DST: variants seen among roughly 807,000 people sequenced by gnomAD.
DST encodes the protein bullous pemphigoid antigen.
A neutral mutation model predicts 875.2 loss-of-function variants in DST; 253 were observed. That is an observed-to-expected ratio of 0.29 (90% CI 0.26 to 0.32). The LOEUF is 0.32. DST is among the 10% of genes least tolerant of loss of function. DST has a pLI of 1.00. For synonymous variants in DST, 3,124 were observed against 3,197.1 expected (o/e 0.98, Z 0.77); for missense variants, 8,287 against 9,111.6 (o/e 0.91, Z 3.68).
At position 56,555,362 on chromosome 6, in the gene DST, T is replaced by A. The variant is rs1428021494; in HGVS notation, c.15119A>T (p.Asp5040Val). 2 of 1,590,060 alleles carry A rather than the reference T, an allele frequency of 1.3e-6. No homozygotes were observed. Among genetic ancestry groups the A allele is most frequent in the African/African-American group, 1.4e-5 (1 of 74,012 alleles). Reference protein sequence around the residue: ...QLEGILKSFKDVEQKAENHVQ... With the variant: ...QLEGILKSFKVVEQKAENHVQ... ...AGACAAACCTGCTTTCTGTTCAACA[T>A]CCTTAAATGATTTTAAGATGCCTTC... The change falls in exon 60 of 104, where the codon GAT becomes GTT. Residue 5040 changes from aspartate (D) to valine (V), a missense_variant. Physicochemically the swap from Asp to Val is radical, Grantham distance 152. Transcript: ENST00000680361.
intron 9 of DST, among the ~76,000 whole-genome samples, chr6:56,671,473 C>T (rs2099101267): frequency 6.6e-6 from 1 of 152,186 alleles, no homozygotes; most frequent in African/African-American, 2.4e-5. Flanking sequence ...GCTTGCTCAA[C>T]CTGAAACCTT....
intron 53 of DST, among the ~76,000 whole-genome samples, chr6:56,571,398 G>A (rs181918195): frequency 6.6e-6 from 1 of 152,320 alleles, no homozygotes; most frequent in Non-Finnish European, 1.5e-5. Flanking sequence ...TCTGTGAGAA[G>A]TAAAGGCAGC....
intron 2 of DST, among the ~76,000 whole-genome samples, chr6:56,923,058 C>T (rs186920710): frequency 6.6e-6 from 1 of 152,040 alleles, no homozygotes; most frequent in East Asian, 1.9e-4. Context: ...TAAAATCTTG[C>T]CAGAACTATC....
At chr6:56,487,043 C>G in intron 87 of DST, 61 bp downstream of exon 87, 1 of 1,539,006 alleles carries the variant, frequency 6.5e-7, no homozygotes, top group South Asian at 1.2e-5. Flanking sequence ...CGCAAAGCAC[C>G]ATTACTGTGT....
chr6:56,938,806 G>T (rs1294031253), intron 2 of DST, among the ~76,000 whole-genome samples: 1 of 152,124 alleles, frequency 6.6e-6, no homozygotes, highest in Non-Finnish European at 1.5e-5. Flanking sequence ...GCCTGAGTTG[G>T]CTTACTGGAA....
At chr6:56,767,009 C>A (rs1026664250) in intron 4 of DST, among the ~76,000 whole-genome samples, 1 of 152,156 alleles carries the variant, frequency 6.6e-6, no homozygotes, top group African/African-American at 2.4e-5. Flanking sequence ...ATTTATACCA[C>A]CACAAGCAGC....
chr6:56,784,384 T>G (rs1481576175), intron 4 of DST, among the ~76,000 whole-genome samples: 3 of 152,242 alleles, frequency 2.0e-5, no homozygotes, highest in Admixed American at 6.5e-5. Context: ...GATTTGGTCT[T>G]TTCACATAGT....
intron 36 of DST, chr6:56,619,609 A>G (rs2098667199): frequency 1.2e-6 from 2 of 1,613,934 alleles, no homozygotes; most frequent in East Asian, 4.5e-5. Context: ...CATGATTAAG[A>G]GATTCTAATT....
chr6:56,823,736 T>C (rs1591208452), intron 4 of DST, among the ~76,000 whole-genome samples: 1 of 152,130 alleles, frequency 6.6e-6, no homozygotes, highest in African/African-American at 2.4e-5. Flanking sequence ...TTACAAAACT[T>C]ACTTCAAACT....
intron 36 of DST, among the ~76,000 whole-genome samples, chr6:56,624,133 G>A (rs1392886985): frequency 6.6e-6 from 1 of 152,012 alleles, no homozygotes; most frequent in Non-Finnish European, 1.5e-5. Flanking sequence ...TAAGACAAAT[G>A]TGTTCGTGTG....
chr6:56,560,252 G>A, intron 58 of DST, 42 bp downstream of exon 58: 2 of 1,506,678 alleles, frequency 1.3e-6, no homozygotes, highest in African/African-American at 2.8e-5. Flanking sequence ...AAAAATGATT[G>A]CACTTTTCTT....
chr6:56,844,008 C>G (rs1479333175), intron 4 of DST: 1 of 152,346 alleles, frequency 6.6e-6, no homozygotes, highest in Non-Finnish European at 1.5e-5. Context: ...GAAACAAAGC[C>G]GCAGATCGCT....
At position 56,536,825 on chromosome 6, in the gene DST, T is replaced by C. The variant is rs529082934; in HGVS notation, c.16724A>G (p.His5575Arg). 1.2e-6 allele frequency: 2 copies of C among 1,608,320 alleles called. No homozygotes were observed. The highest frequency in any genetic ancestry group is 1.1e-5 in the South Asian group (1 of 89,452). ...AKSTSTQGLE[H>R]DLDDVNARWK... Reference sequence around the variant, plus strand: ...CCGTGCATTGACATCATCCAGGTCATGCTCCAAGCCCTGAGTGCTAGTGCT... The same window carrying C: ...CCGTGCATTGACATCATCCAGGTCACGCTCCAAGCCCTGAGTGCTAGTGCT... The change falls in exon 62 of 104, where the codon CAT becomes CGT. Residue 5575 changes from histidine (H) to arginine (R), a missense_variant. His to Arg is a conservative substitution (Grantham distance 29). Coordinates refer to ENST00000680361, the MANE Select transcript of DST (RefSeq NM_001374736.1).
At chr6:56,814,717 T>C (rs1401543768) in intron 4 of DST, among the ~76,000 whole-genome samples, 5 of 152,164 alleles carry the variant, frequency 3.3e-5, no homozygotes, top group African/African-American at 1.2e-4. Flanking sequence ...ACTCTTAAGA[T>C]GTTTGGCAGA....
intron 5 of DST, among the ~76,000 whole-genome samples, chr6:56,734,802 G>C (rs2099517013): frequency 2.6e-5 from 4 of 152,136 alleles, no homozygotes; most frequent in African/African-American, 7.2e-5. Flanking sequence ...CTAGACTTCT[G>C]TCCCTACAAT....
At chr6:56,801,666 A>C (rs1160032165) in intron 4 of DST, among the ~76,000 whole-genome samples, 1 of 152,220 alleles carries the variant, frequency 6.6e-6, no homozygotes, top group Non-Finnish European at 1.5e-5. Flanking sequence ...CCCAAGGAAA[A>C]AAATCACAAT....
chr6:56,606,913 A>C lies in DST; in HGVS notation c.7715T>G (p.Val2572Gly). The change falls in exon 40 of 104, where the codon GTG (valine) becomes GGG (glycine). Residue 2572 changes from valine (V) to glycine (G), a missense_variant. Physicochemically the swap from Val to Gly is moderately radical, Grantham distance 109 (BLOSUM62 -3). Coordinates refer to ENST00000680361, the MANE Select transcript of DST (RefSeq NM_001374736.1). Reference protein sequence around the residue: ...TPGGDTDNAIVSLTCATPLLD... With the variant: ...TPGGDTDNAIGSLTCATPLLD... ...CAATGGTGTAGCACAAGTAAGAGAC[A>C]CAATGGCATTATCAGTATCACCCCC... The C allele has an allele frequency of 3.7e-6, 6 of 1,613,514 alleles. No individual in the cohort carries two copies. The highest frequency in any genetic ancestry group is 5.1e-6 in the Non-Finnish European group (6 of 1,179,610).
At chr6:56,938,966 G>A (rs538530400) in intron 2 of DST, among the ~76,000 whole-genome samples, 5 of 152,366 alleles carry the variant, frequency 3.3e-5, no homozygotes, top group Middle Eastern at 3.4e-3. Flanking sequence ...ACGGAATTGT[G>A]AGATAAATGA....
At position 56,627,698 on chromosome 6, in the gene DST, A is replaced by C. The variant is rs141722793; in HGVS notation, c.4638+301T>G. On this transcript the variant is annotated intron_variant, in intron 33 of 103. Transcript: ENST00000680361. ...TATTTAGGAACCTAGAAAACTATTG[A>C]GGCCAGCAAAGTGTCAAAGAGATTT... Among the ~76,000 whole-genome samples, 7 of 152,318 alleles carry C rather than the reference A, an allele frequency of 4.6e-5. No individual in the cohort carries two copies. In the East Asian group the frequency reaches 1.3e-3, roughly 29 times the overall value.
Sources: allele counts gnomAD v4.1 joint callset (sites outside exome capture counted in the v4.1 genomes callset), GRCh38; gene constraint gnomAD v4.1.1; transcripts MANE v1.5; gene names NCBI Gene and HGNC (gene_info 2026-07-23, HGNC 2026-07-21).